HEPH: variants seen among roughly 807,000 people sequenced by gnomAD.
HEPH encodes the protein hephaestin.
In HEPH, 69 loss-of-function variants were observed where a neutral mutation model predicts 80.8. That is an observed-to-expected ratio of 0.85 (90% CI 0.70 to 1.04). The LOEUF (loss-of-function observed/expected upper bound fraction) is 1.04. Ranked by LOEUF, HEPH falls within the 50% of genes least tolerant of loss-of-function variation. HEPH has a pLI of 0.00. For synonymous variants in HEPH, 431 were observed against 322.8 expected, an observed-to-expected ratio of 1.34 and a Z score of -3.60; for missense variants, 1,115 against 891.3, an observed-to-expected ratio of 1.25 and a Z score of -3.20.
intron 15 of HEPH, among the ~76,000 whole-genome samples, chrX:66,212,157 A>G (rs1602361642): frequency 2.0e-5 from 2 of 101,466 alleles, no homozygotes; most frequent in African/African-American, 7.4e-5. Flanking sequence ...AGAAATGTCT[A>G]TTCATGTCCT....
At chrX:66,230,470 A>G (rs1291071915) in intron 15 of HEPH, among the ~76,000 whole-genome samples, 11 of 108,448 alleles carry the variant, frequency 1.0e-4, no homozygotes, top group Non-Finnish European at 2.1e-4. Flanking sequence ...TTGCCATTCT[A>G]ACTGGTGTGA....
chrX:66,232,677 C>T (rs1056728039), intron 15 of HEPH, among the ~76,000 whole-genome samples: 2 of 110,040 alleles, frequency 1.8e-5, no homozygotes, highest in African/African-American at 6.6e-5. Flanking sequence ...ACCTGTACAC[C>T]CACCTTAATG....
At chrX:66,227,808 ATAGTT>A (rs1434070881) in intron 15 of HEPH, among the ~76,000 whole-genome samples, 2 of 111,026 alleles carry the variant, frequency 1.8e-5, no homozygotes, top group Admixed American at 9.6e-5. Context: ...GCCTTATAGT[ATAGTT>A]TAAAGTTGGG....
At chrX:66,200,241 GGTGT>G (rs57136656) in intron 11 of HEPH, among the ~76,000 whole-genome samples, 1,033 of 91,207 alleles carry the variant, frequency 0.011, 7 homozygotes, top group Middle Eastern at 0.044. Flanking sequence ...AGGAGAGATT[GGTGT>G]GTGTGTGTGT....
intron 15 of HEPH, among the ~76,000 whole-genome samples, chrX:66,251,313 C>T (rs2090998582): frequency 8.9e-6 from 1 of 112,160 alleles, no homozygotes; most frequent in African/African-American, 3.2e-5. Context: ...TTTTACATTC[C>T]CATCAGCAAA....
At chrX:66,263,856 T>G (rs1183127701) in intron 20 of HEPH, among the ~76,000 whole-genome samples, 168 bp downstream of exon 20, 1 of 111,084 alleles carries the variant, frequency 9.0e-6, no homozygotes. Flanking sequence ...AACCAAGGTT[T>G]AGCTTCCCTC....
intron 15 of HEPH, among the ~76,000 whole-genome samples, chrX:66,214,625 G>A (rs919950545): frequency 3.6e-5 from 4 of 111,254 alleles, no homozygotes; most frequent in Non-Finnish European, 5.7e-5. Flanking sequence ...AACTTTATAA[G>A]TTTCTTTTTT....
rs2087693931 is a variant in HEPH at position 66,189,821 on chromosome X, C to G, written c.946C>G (p.Arg316Gly). 2.5e-6 allele frequency: 3 copies of G among 1,210,834 alleles called. No individual in the cohort carries two copies. Among genetic ancestry groups the G allele is most frequent in the Non-Finnish European group, 3.4e-6 (3 of 895,125 alleles). ...TTTCCATGGACAGATGCTGACTACC[C>G]GTGGACACCACACTGATGTGGCTAA... is the stretch of plus-strand genomic sequence containing the variant. ...AFFHGQMLTT[R>G]GHHTDVANIF... The change falls in exon 6 of 21, where the codon CGT (arginine) becomes GGT (glycine). Residue 316 changes from arginine to glycine, a missense_variant. Arg to Gly is a moderately radical substitution (Grantham distance 125). Coordinates refer to ENST00000343002, the MANE Select transcript of HEPH (RefSeq NM_001367233.3).
chrX:66,173,642 C>G lies in HEPH; in HGVS notation c.466C>G (p.Pro156Ala). Residue 156 changes from proline (P) to alanine (A), a missense_variant, in exon 4 of 21, where the codon CCC becomes GCC. Pro to Ala is a conservative substitution (Grantham distance 27). Around this residue, in one of 3 missense-constraint regions of HEPH, gnomAD observed 391 missense variants for 343.6 expected, o/e 1.14. Coordinates refer to ENST00000343002, the MANE Select transcript of HEPH (RefSeq NM_001367233.3). The stretch of plus-strand genomic sequence containing the variant: ...GCCACTGAAAGCTGATGACTCTGTT[C>G]CCCCGGGGGGCAGCCATATCTACAA... ...SGPLKADDSV[P>A]PGGSHIYNWT... 8.3e-7 allele frequency: 1 copy of G among 1,210,512 alleles called. No homozygotes were observed. The highest frequency in any genetic ancestry group is 1.1e-6 in the Non-Finnish European group (1 of 894,750).
intron 15 of HEPH, among the ~76,000 whole-genome samples, chrX:66,216,676 A>G (rs909539592): frequency 7.1e-5 from 8 of 112,104 alleles, no homozygotes; most frequent in Non-Finnish European, 5.6e-5. Context: ...AACAATCCCC[A>G]AAGATCAAAC....
intron 15 of HEPH, among the ~76,000 whole-genome samples, chrX:66,249,030 T>C (rs1049672481): frequency 9.0e-6 from 1 of 111,582 alleles, no homozygotes; most frequent in African/African-American, 3.3e-5. Context: ...GGAAAAAATG[T>C]ATGAAATTGT....
chrX:66,179,423 A>T (rs1353224014), intron 4 of HEPH, among the ~76,000 whole-genome samples: 1 of 111,889 alleles, frequency 8.9e-6, no homozygotes, highest in African/African-American at 3.2e-5. Flanking sequence ...TGACTTGGCA[A>T]TGCGGGCTCT....
At chrX:66,234,986 G>A (rs1291505074) in intron 15 of HEPH, among the ~76,000 whole-genome samples, 1 of 110,278 alleles carries the variant, frequency 9.1e-6, no homozygotes, top group Non-Finnish European at 1.9e-5. Context: ...ATTGTTGGCT[G>A]CATGTATGTC....
intron 7 of HEPH, among the ~76,000 whole-genome samples, chrX:66,193,146 G>T (rs914169261): frequency 9.0e-6 from 1 of 111,040 alleles, no homozygotes; most frequent in Non-Finnish European, 1.9e-5. Context: ...ATTAAGGACA[G>T]ATGTAGACTA....
chrX:66,246,676 A>T (rs968067774), intron 15 of HEPH, among the ~76,000 whole-genome samples: 1 of 111,209 alleles, frequency 9.0e-6, no homozygotes, highest in Non-Finnish European at 1.9e-5. Context: ...GAAGATTCTC[A>T]CTTACTCACC....
intron 2 of HEPH, among the ~76,000 whole-genome samples, chrX:66,171,764 T>C (rs1228903354): frequency 9.1e-6 from 1 of 109,752 alleles, no homozygotes; most frequent in Non-Finnish European, 1.9e-5. Flanking sequence ...GAACTTTTAC[T>C]ATTTGCCACT....
chrX:66,195,272 A>G (rs1316044607), intron 9 of HEPH, 43 bp downstream of exon 9: 1 of 1,035,579 alleles, frequency 9.7e-7, no homozygotes, highest in Non-Finnish European at 1.3e-6. Context: ...TCTAGGTGGT[A>G]CCATGTGTCT....
intron 15 of HEPH, among the ~76,000 whole-genome samples, chrX:66,253,993 G>T (rs1249514713): frequency 9.0e-6 from 1 of 111,027 alleles, no homozygotes; most frequent in African/African-American, 3.3e-5. Flanking sequence ...TTTTTTGGTG[G>T]TAATGAAATG....
At chrX:66,199,765 G>A (rs989153800) in intron 11 of HEPH, among the ~76,000 whole-genome samples, 3 of 112,174 alleles carry the variant, frequency 2.7e-5, no homozygotes, top group Non-Finnish European at 5.6e-5. Flanking sequence ...AAGTATAGCT[G>A]AACGAAGATA....
Sources: allele counts gnomAD v4.1 joint callset (sites outside exome capture counted in the v4.1 genomes callset), GRCh38; gene constraint gnomAD v4.1.1; regional missense constraint gnomAD v4.1.1; transcripts MANE v1.5; gene names NCBI Gene and HGNC (gene_info 2026-07-23, HGNC 2026-07-21).